The following ACKR2 variants were observed in gnomAD, a reference collection of about 807,000 sequenced individuals.
ACKR2 encodes the protein atypical chemokine receptor 2, also known as C-C chemokine receptor D6.
For missense variants in ACKR2, 457 were observed against 477.3 expected (o/e 0.96, Z 0.40); for synonymous variants, 207 against 192.2 (o/e 1.08, Z -0.64).
intron 1 of ACKR2, among the ~76,000 whole-genome samples, chr3:42,818,894 C>T (rs908928395): frequency 1.3e-5 from 2 of 152,098 alleles, no homozygotes; most frequent in African/African-American, 4.8e-5. Flanking sequence ...CATTTTCAAA[C>T]AAAATGCTGT....
chr3:42,864,480 G>A lies in ACKR2; in HGVS notation c.-23G>A, dbSNP rs751457001. On this transcript the variant is annotated 5_prime_UTR_variant, in exon 3 of 3. Transcript: ENST00000422265. The stretch of plus-strand genomic sequence containing the variant: ...TCCCCCCGCAGCACTACAGGACGTC[G>A]GGACTGGGCATTTCCTTCCAACATG... The A allele has an allele frequency of 7.0e-6, 11 of 1,571,828 alleles. No homozygotes were observed. Among genetic ancestry groups the A allele is most frequent in the Admixed American group, 1.8e-5 (1 of 55,880 alleles).
At chr3:42,845,958 G>C (rs1350434238) in intron 2 of ACKR2, among the ~76,000 whole-genome samples, 1 of 151,800 alleles carries the variant, frequency 6.6e-6, no homozygotes, top group Non-Finnish European at 1.5e-5. Flanking sequence ...ATCTGATTCA[G>C]AAGGGAAAAT....
intron 2 of ACKR2, among the ~76,000 whole-genome samples, chr3:42,822,350 A>G (rs1471820560): frequency 1.3e-5 from 2 of 152,190 alleles, no homozygotes; most frequent in African/African-American, 4.8e-5. Flanking sequence ...AACCTTTCAC[A>G]TCCTTTTAAG....
At chr3:42,813,284 T>G (rs959904565) in intron 1 of ACKR2, among the ~76,000 whole-genome samples, 7 of 152,212 alleles carry the variant, frequency 4.6e-5, no homozygotes, top group African/African-American at 1.4e-4. Flanking sequence ...CTTAAAATCT[T>G]GGTTCAGTTT....
At chr3:42,847,787 A>T (rs1452962199) in intron 2 of ACKR2, among the ~76,000 whole-genome samples, 1 of 152,248 alleles carries the variant, frequency 6.6e-6, no homozygotes, top group South Asian at 2.1e-4. Flanking sequence ...CTACCTGGCC[A>T]GGCTCAGCCC....
At chr3:42,819,290 A>C in intron 1 of ACKR2, among the ~76,000 whole-genome samples, 1 of 152,360 alleles carries the variant, frequency 6.6e-6, no homozygotes, top group Admixed American at 6.5e-5. Flanking sequence ...GTAACTAAAA[A>C]GATTGATTTG....
intron 2 of ACKR2, among the ~76,000 whole-genome samples, chr3:42,828,090 ATATT>A (rs1169865152): frequency 7.6e-4 from 70 of 91,904 alleles, no homozygotes; most frequent in African/African-American, 2.9e-3. Context: ...ATATATATAT[ATATT>A]TTTTTTTTTT....
intron 1 of ACKR2, among the ~76,000 whole-genome samples, chr3:42,819,291 G>T (rs1700784883): frequency 6.6e-6 from 1 of 152,176 alleles, no homozygotes; most frequent in African/African-American, 2.4e-5. Context: ...TAACTAAAAA[G>T]ATTGATTTGT....
intron 2 of ACKR2, among the ~76,000 whole-genome samples, 197 bp from the exon 3 acceptor site, chr3:42,864,268 TA>T (rs2088411102): frequency 6.6e-6 from 1 of 152,222 alleles, no homozygotes. Context: ...GATTCAGTTA[TA>T]AGACAAAGGT....
intron 2 of ACKR2, among the ~76,000 whole-genome samples, chr3:42,822,922 C>G (rs1382742424): frequency 1.3e-5 from 2 of 152,096 alleles, no homozygotes; most frequent in African/African-American, 4.8e-5. Context: ...CTGTATCCAC[C>G]AGATCTCAGG....
rs1233672144 is a variant in ACKR2, at chr3:42,852,012, G to C, written c.-37-12454G>C. Among the ~76,000 whole-genome samples, 1 of 152,182 alleles carries C rather than the reference G, an allele frequency of 6.6e-6. No homozygotes were observed. The highest frequency in any genetic ancestry group is 2.4e-5 in the African/African-American group (1 of 41,442). On this transcript the variant is annotated intron_variant, in intron 2 of 2. Coordinates refer to ENST00000422265, the MANE Select transcript of ACKR2 (RefSeq NM_001296.5). This position sits in a 1 kb window ranked among gnomAD's most constrained non-coding sequence, Gnocchi z 4.3. ...GAATCAAATGTCATTTAATCAGCGAGTTTATTCATTTTAGGGGCTGGAAGA... is the reference window on the plus strand; with the variant it reads ...GAATCAAATGTCATTTAATCAGCGACTTTATTCATTTTAGGGGCTGGAAGA...
In ACKR2 at chr3:42,865,291, G is replaced by T. The variant is rs202107471; in HGVS notation, c.789G>T (p.Trp263Cys). ...AALVVAFFVL[W>C]FPYNLTLFLH... is the part of the protein sequence containing the mutation. ...TGGTGGTGGCCTTCTTCGTGCTATG[G>T]TTCCCATACAATCTCACCTTGTTTC... Residue 263 changes from tryptophan (W) to cysteine (C), a missense_variant, in exon 3 of 3, where the codon TGG becomes TGT. Coordinates refer to ENST00000422265, the MANE Select transcript of ACKR2 (RefSeq NM_001296.5). 13 of 1,614,152 alleles carry T rather than the reference G, an allele frequency of 8.1e-6. No individual in the cohort carries two copies. The highest frequency in any genetic ancestry group is 1.1e-5 in the Non-Finnish European group (13 of 1,180,030).
intron 2 of ACKR2, among the ~76,000 whole-genome samples, chr3:42,823,636 A>G (rs1345083919): frequency 6.6e-6 from 1 of 152,172 alleles, no homozygotes; most frequent in Non-Finnish European, 1.5e-5. Flanking sequence ...CATGCAATCA[A>G]CTTCTAAGAC....
In ACKR2 at chr3:42,865,884, T is replaced by G; in HGVS notation, c.*227T>G. Reference sequence around the variant, plus strand: ...TCTGAATTGCTACAATCTTTCTTCCTTCCTTCCTTGCTTCCTTCCTTCCTT... The same window carrying G: ...TCTGAATTGCTACAATCTTTCTTCCGTCCTTCCTTGCTTCCTTCCTTCCTT... On this transcript the variant is annotated 3_prime_UTR_variant, in exon 3 of 3. Transcript: ENST00000422265. 2 of 499,184 alleles carry G rather than the reference T, an allele frequency of 4.0e-6. No homozygotes were observed. The highest frequency in any genetic ancestry group is 7.3e-6 in the Non-Finnish European group (2 of 275,212). 30.9% of individuals were successfully genotyped at this position (499,184 alleles called of 1,614,324 possible).
intron 2 of ACKR2, among the ~76,000 whole-genome samples, chr3:42,830,513 C>A (rs188478943): frequency 2.2e-3 from 341 of 152,210 alleles, no homozygotes; most frequent in South Asian, 4.1e-3. Context: ...TCCCCTCCCC[C>A]AAATTTGGCA....
At position 42,865,754 on chromosome 3, in the gene ACKR2, T is replaced by C; in HGVS notation, c.*97T>C. 1.0e-6 allele frequency: 1 copy of C among 968,948 alleles called. No individual in the cohort carries two copies. The highest frequency in any genetic ancestry group is 2.6e-5 in the East Asian group (1 of 38,848). 60.0% of individuals were successfully genotyped at this position (968,948 alleles called of 1,614,324 possible). A position where few individuals can be genotyped will look rare whatever the true frequency, so the allele number is the denominator to read the frequency against. On this transcript the variant is annotated 3_prime_UTR_variant, in exon 3 of 3. Coordinates refer to ENST00000422265, the MANE Select transcript of ACKR2 (RefSeq NM_001296.5). ...CCAGGGGCCTCAGTGACTGTGTTGCTAAACCCAGTGGTCAGTTCTCAGTTC... is the reference window on the plus strand; with the variant it reads ...CCAGGGGCCTCAGTGACTGTGTTGCCAAACCCAGTGGTCAGTTCTCAGTTC...
intron 2 of ACKR2, among the ~76,000 whole-genome samples, chr3:42,821,217 C>T (rs568269114): frequency 2.6e-5 from 4 of 152,286 alleles, no homozygotes; most frequent in African/African-American, 7.2e-5. Context: ...AGACCTGTTA[C>T]GATTTCTGGC....
In ACKR2 at chr3:42,866,984, C is replaced by T. The variant is rs1575396100; in HGVS notation, c.*1327C>T. Reference sequence around the variant, plus strand: ...CACCTCCTGAGCTCAAGTGATCCTCCCATCTAAGCCCCCAAGTAGCTAGGA... The same window carrying T: ...CACCTCCTGAGCTCAAGTGATCCTCTCATCTAAGCCCCCAAGTAGCTAGGA... On this transcript the variant is annotated 3_prime_UTR_variant, in exon 3 of 3. Coordinates refer to ENST00000422265, the MANE Select transcript of ACKR2 (RefSeq NM_001296.5). 1 of 162,382 alleles carries T rather than the reference C, an allele frequency of 6.2e-6. No homozygotes were observed. Among genetic ancestry groups the T allele is most frequent in the East Asian group, 1.9e-4 (1 of 5,164 alleles). 10.1% of individuals were successfully genotyped at this position (162,382 alleles called of 1,614,324 possible).
intron 2 of ACKR2, among the ~76,000 whole-genome samples, chr3:42,848,189 G>C (rs1042695999): frequency 2.0e-4 from 30 of 147,730 alleles, no homozygotes; most frequent in African/African-American, 7.4e-4. Flanking sequence ...TAAGAAGAAA[G>C]GCTAACTCTT....
Sources: allele counts gnomAD v4.1 joint callset (sites outside exome capture counted in the v4.1 genomes callset), GRCh38; gene constraint gnomAD v4.1.1; non-coding constraint Gnocchi (gnomAD v3.1); transcripts MANE v1.5; gene names NCBI Gene and HGNC (gene_info 2026-07-23, HGNC 2026-07-21).